DNER: variants seen among roughly 807,000 people sequenced by gnomAD.
DNER encodes delta and Notch-like epidermal growth factor-related receptor.
In DNER, 33 loss-of-function variants were observed where a neutral mutation model predicts 78.2. That is an observed-to-expected ratio of 0.42 (90% confidence interval 0.32 to 0.56). The LOEUF is 0.56. Ranked by LOEUF, DNER falls within the 20% of genes least tolerant of loss-of-function variation. The pLI, the probability that DNER is intolerant of heterozygous loss-of-function variation, is 0.11. For synonymous variants in DNER, 417 were observed against 384.8 expected, an observed-to-expected ratio of 1.08 and a Z score of -0.98; for missense variants, 918 against 975.3, an observed-to-expected ratio of 0.94 and a Z score of 0.78.
intron 1 of DNER, among the ~76,000 whole-genome samples, chr2:229,621,659 C>A (rs1698253276): frequency 6.6e-6 from 1 of 152,104 alleles, no homozygotes; most frequent in Non-Finnish European, 1.5e-5. Flanking sequence ...TTCCCACATG[C>A]TCCCAACAGG....
intron 1 of DNER, among the ~76,000 whole-genome samples, chr2:229,677,080 C>T (rs1559205561): frequency 6.6e-6 from 1 of 152,194 alleles, no homozygotes; most frequent in Non-Finnish European, 1.5e-5. Context: ...TCATCTTCCT[C>T]TTAAAGACTA....
At chr2:229,698,488 T>C (rs1699694321) in intron 1 of DNER, among the ~76,000 whole-genome samples, 1 of 152,170 alleles carries the variant, frequency 6.6e-6, no homozygotes, top group South Asian at 2.1e-4. Flanking sequence ...TCTAAGCATA[T>C]AAAACATCTG....
At chr2:229,361,710 G>A (rs968031387) in intron 12 of DNER, among the ~76,000 whole-genome samples, 1 of 151,842 alleles carries the variant, frequency 6.6e-6, no homozygotes, top group African/African-American at 2.4e-5. Flanking sequence ...TATGTATGAA[G>A]CCCCTCTGAA....
At chr2:229,369,336 A>T (rs1259467259) in intron 11 of DNER, among the ~76,000 whole-genome samples, 2 of 148,696 alleles carry the variant, frequency 1.3e-5, no homozygotes, top group African/African-American at 4.9e-5. Context: ...CTAAAAAGTT[A>T]AAAAAAAGTT....
At chr2:229,454,348 A>G (rs528997111) in intron 7 of DNER, among the ~76,000 whole-genome samples, 1 of 152,244 alleles carries the variant, frequency 6.6e-6, no homozygotes, top group Non-Finnish European at 1.5e-5. Context: ...TTTATGGAAC[A>G]GACTTGAAAG....
intron 6 of DNER, among the ~76,000 whole-genome samples, chr2:229,511,171 C>A (rs1695857707): frequency 6.6e-6 from 1 of 152,164 alleles, no homozygotes; most frequent in Non-Finnish European, 1.5e-5. Context: ...CCACTTCATT[C>A]CATCCCTTTT....
At chr2:229,412,546 A>G (rs928823635) in intron 9 of DNER, among the ~76,000 whole-genome samples, 2 of 152,232 alleles carry the variant, frequency 1.3e-5, no homozygotes, top group Non-Finnish European at 2.9e-5. Context: ...CATAATTGTC[A>G]TGGCAAATAG....
chr2:229,385,058 C>T (rs1370126587), intron 11 of DNER, among the ~76,000 whole-genome samples: 1 of 150,814 alleles, frequency 6.6e-6, no homozygotes, highest in African/African-American at 2.4e-5. Flanking sequence ...AAAGCTTATC[C>T]ACCACTGTAC....
chr2:229,687,693 T>C (rs1260894912), intron 1 of DNER, among the ~76,000 whole-genome samples: 1 of 152,204 alleles, frequency 6.6e-6, no homozygotes, highest in African/African-American at 2.4e-5. Flanking sequence ...ATACCCCCAA[T>C]TGATAGAGGT....
intron 7 of DNER, among the ~76,000 whole-genome samples, chr2:229,473,260 G>A (rs1305334624): frequency 6.6e-6 from 1 of 152,192 alleles, no homozygotes; most frequent in Non-Finnish European, 1.5e-5. Flanking sequence ...AAAGTAAACA[G>A]CAGAGACATT....
At chr2:229,464,803 GGA>G (rs2154210959) in intron 7 of DNER, among the ~76,000 whole-genome samples, 1 of 152,244 alleles carries the variant, frequency 6.6e-6, no homozygotes, top group South Asian at 2.1e-4. Context: ...GACACAAGGG[GGA>G]GAGAGAGCCA....
At chr2:229,376,639 G>A (rs1692608116) in intron 11 of DNER, among the ~76,000 whole-genome samples, 1 of 152,174 alleles carries the variant, frequency 6.6e-6, no homozygotes, top group Admixed American at 6.5e-5. Context: ...TCTGCATAAG[G>A]TAGTGTGGGT....
intron 6 of DNER, among the ~76,000 whole-genome samples, chr2:229,486,134 G>C (rs1695266561): frequency 1.3e-5 from 2 of 152,126 alleles, no homozygotes; most frequent in Admixed American, 6.6e-5. Context: ...AGTAAACCGG[G>C]GGAATAAATA....
chr2:229,493,865 A>C (rs533575221), intron 6 of DNER, among the ~76,000 whole-genome samples: 13 of 152,342 alleles, frequency 8.5e-5, no homozygotes, highest in African/African-American at 3.1e-4. Context: ...CAAGGAGCCC[A>C]GCTAGAAAAG....
intron 6 of DNER, among the ~76,000 whole-genome samples, chr2:229,493,716 AG>A (rs1410573618): frequency 6.6e-6 from 1 of 152,244 alleles, no homozygotes; most frequent in African/African-American, 2.4e-5. Context: ...GTCAGGCTCC[AG>A]GCTAGGTACT....
At chr2:229,462,112 G>A (rs1430843343) in intron 7 of DNER, among the ~76,000 whole-genome samples, 2 of 152,070 alleles carry the variant, frequency 1.3e-5, no homozygotes, top group Non-Finnish European at 2.9e-5. Flanking sequence ...CAATATTAAA[G>A]TGAACATTAC....
chr2:229,472,290 G>A (rs549889130), intron 7 of DNER, among the ~76,000 whole-genome samples: 50 of 152,234 alleles, frequency 3.3e-4, no homozygotes, highest in Admixed American at 1.4e-3. Flanking sequence ...TATGTCTTCC[G>A]TAATAGGTAA....
intron 5 of DNER, among the ~76,000 whole-genome samples, chr2:229,534,631 A>G (rs546743487): frequency 5.9e-5 from 9 of 152,340 alleles, no homozygotes; most frequent in African/African-American, 2.2e-4. Context: ...ACATACTGCA[A>G]CAGATTGAAT....
At chr2:229,421,451 T>C (rs888884715) in intron 8 of DNER, among the ~76,000 whole-genome samples, 3 of 150,234 alleles carry the variant, frequency 2.0e-5, no homozygotes, top group East Asian at 1.9e-4. Context: ...TATATAAATA[T>C]ATATGTATTA....
Sources: gnomAD v4.1 joint callset for allele counts (sites outside exome capture counted in the v4.1 genomes callset) on GRCh38, gnomAD v4.1.1 for gene constraint, MANE v1.5 for transcripts, NCBI Gene and HGNC (gene_info 2026-07-23, HGNC 2026-07-21) for gene names.